The following PTPRD variants were observed in gnomAD, a reference collection of about 807,000 sequenced individuals.
The protein encoded by PTPRD is protein tyrosine phosphatase receptor type D.
PTPRD carries 34 observed loss-of-function variants against 214.5 expected under a neutral mutation model. The observed-to-expected ratio is 0.16, with a 90% CI of 0.12 to 0.21. The LOEUF (loss-of-function observed/expected upper bound fraction) is 0.21. Among genes scored for constraint, PTPRD ranks in the 10% least tolerant of loss-of-function variants. PTPRD has a pLI of 1.00. For synonymous variants in PTPRD, 1,128 were observed against 845.7 expected, an observed-to-expected ratio of 1.33 and a Z score of -5.79; for missense variants, 2,545 against 2,398.7, an observed-to-expected ratio of 1.06 and a Z score of -1.27.
chr9:9,815,108 A>G (rs906549308), intron 5 of PTPRD, among the ~76,000 whole-genome samples: 1 of 152,152 alleles, frequency 6.6e-6, no homozygotes, highest in African/African-American at 2.4e-5. Flanking sequence ...AATTCAAACT[A>G]TATTACAAAG....
intron 10 of PTPRD, among the ~76,000 whole-genome samples, chr9:9,030,362 C>T (rs1325324474): frequency 8.0e-6 from 1 of 124,582 alleles, no homozygotes; most frequent in African/African-American, 3.0e-5. Context: ...ATCAAATAAA[C>T]TTTCTTCTGA....
At chr9:9,383,680 G>A (rs748400051) in intron 9 of PTPRD, among the ~76,000 whole-genome samples, 23 of 151,930 alleles carry the variant, frequency 1.5e-4, no homozygotes, top group East Asian at 3.9e-4. Context: ...GCTTTTATGC[G>A]GTACCTTAAT....
intron 2 of PTPRD, among the ~76,000 whole-genome samples, chr9:10,555,410 T>C (rs1027451794): frequency 9.9e-5 from 15 of 152,248 alleles, no homozygotes; most frequent in African/African-American, 3.4e-4. Context: ...TATTACCTAT[T>C]ACACAATAGC....
rs570985371 is a variant in PTPRD, at chr9:8,825,527, G to T, written c.-103-91581C>A. Among the ~76,000 whole-genome samples, 6 of 152,254 alleles carry T rather than the reference G, an allele frequency of 3.9e-5. 1 individual carries two copies. The East Asian group carries it at 5.8e-4, about 15-fold the overall frequency. On this transcript the variant is annotated intron_variant, in intron 11 of 45. Coordinates refer to ENST00000381196, the MANE Select transcript of PTPRD (RefSeq NM_002839.4). ...TGTTAAAAGCTGTAATAGCTTAAAA[G>T]AAAAGGTTCCTTGACTTTGAAAAAT...
intron 36 of PTPRD, among the ~76,000 whole-genome samples, chr9:8,398,328 C>T (rs1002663511): frequency 7.9e-5 from 12 of 152,080 alleles, no homozygotes; most frequent in East Asian, 1.9e-4. Flanking sequence ...GCAACTTGTC[C>T]GAGCAAGCTC....
chr9:10,370,199 T>A (rs73402278), intron 2 of PTPRD, among the ~76,000 whole-genome samples: 5,807 of 152,080 alleles, frequency 0.038, 356 homozygotes, highest in African/African-American at 0.13. Flanking sequence ...ATTATTTATT[T>A]TCACAGTTCT....
At position 9,257,042 on chromosome 9, in the gene PTPRD, T is replaced by A. The variant is rs190068927; in HGVS notation, c.-202-73679A>T. Among the ~76,000 whole-genome samples the A allele has an allele frequency of 2.5e-4, 38 of 152,172 alleles. 1 individual carries two copies. The highest frequency in any genetic ancestry group is 2.5e-3 in the Admixed American group (38 of 15,264). Reference sequence around the variant, plus strand: ...CCTCTTTCTCTCTCTGTGTCTTGTATCATATTAGATGTGTAAAACCTCCAA... The same window carrying A: ...CCTCTTTCTCTCTCTGTGTCTTGTAACATATTAGATGTGTAAAACCTCCAA... On this transcript the variant is annotated intron_variant, in intron 9 of 45. Coordinates refer to ENST00000381196, the MANE Select transcript of PTPRD (RefSeq NM_002839.4).
intron 9 of PTPRD, among the ~76,000 whole-genome samples, chr9:9,330,874 C>G (rs2042047804): frequency 2.0e-5 from 3 of 149,336 alleles, no homozygotes; most frequent in Non-Finnish European, 3.0e-5. Flanking sequence ...TTAAAAATGT[C>G]ATACAGGAGC....
chr9:9,576,955 T>G (rs552255536), intron 7 of PTPRD, among the ~76,000 whole-genome samples: 1 of 152,282 alleles, frequency 6.6e-6, no homozygotes, highest in African/African-American at 2.4e-5. Context: ...TCTAGAATGT[T>G]TATCTATATT....
intron 11 of PTPRD, among the ~76,000 whole-genome samples, chr9:8,900,430 A>G (rs1332602894): frequency 6.6e-6 from 1 of 152,234 alleles, no homozygotes; most frequent in Non-Finnish European, 1.5e-5. Flanking sequence ...ACAATCATAA[A>G]CAATAAAGAA....
chr9:8,428,943 T>C (rs916653368), intron 35 of PTPRD, among the ~76,000 whole-genome samples: 8 of 152,188 alleles, frequency 5.3e-5, no homozygotes, highest in South Asian at 2.1e-4. Context: ...AAATGTTTTC[T>C]TTTGTGGTCA....
intron 12 of PTPRD, among the ~76,000 whole-genome samples, chr9:8,678,927 T>C (rs1421188495): frequency 6.6e-6 from 1 of 152,222 alleles, no homozygotes; most frequent in East Asian, 1.9e-4. Flanking sequence ...GAATAAAATG[T>C]TTCATGCAAA....
chr9:8,611,068 G>T (rs543192617), intron 14 of PTPRD, among the ~76,000 whole-genome samples: 1 of 152,006 alleles, frequency 6.6e-6, no homozygotes, highest in African/African-American at 2.4e-5. Flanking sequence ...CTCAAAACAC[G>T]TGATGAAAAA....
intron 9 of PTPRD, among the ~76,000 whole-genome samples, chr9:9,291,949 A>G (rs1357945375): frequency 6.6e-6 from 1 of 150,938 alleles, no homozygotes. Flanking sequence ...TGATTTTTAA[A>G]TTCATTTAAC....
intron 9 of PTPRD, among the ~76,000 whole-genome samples, chr9:9,383,759 T>C (rs2063011975): frequency 6.6e-6 from 1 of 152,048 alleles, no homozygotes; most frequent in Non-Finnish European, 1.5e-5. Context: ...CAAGTTAATA[T>C]TTATTTCTCC....
intron 14 of PTPRD, among the ~76,000 whole-genome samples, chr9:8,598,722 G>A (rs1450012374): frequency 6.6e-6 from 1 of 152,062 alleles, no homozygotes; most frequent in Non-Finnish European, 1.5e-5. Flanking sequence ...AATGGGAGAG[G>A]ATCTTTCATT....
At chr9:9,191,088 A>C (rs2131829877) in intron 9 of PTPRD, among the ~76,000 whole-genome samples, 1 of 152,250 alleles carries the variant, frequency 6.6e-6, no homozygotes, top group South Asian at 2.1e-4. Context: ...CTGCAAAAGT[A>C]ATGGCAAGTT....
chr9:10,378,282 A>G (rs925605226), intron 2 of PTPRD, among the ~76,000 whole-genome samples: 4 of 151,922 alleles, frequency 2.6e-5, no homozygotes, highest in African/African-American at 9.7e-5. Context: ...TACTTTGTTA[A>G]TGGTCTCCTC....
At chr9:8,356,499 T>C (rs1046031073) in intron 39 of PTPRD, among the ~76,000 whole-genome samples, 3 of 152,222 alleles carry the variant, frequency 2.0e-5, no homozygotes, top group Admixed American at 6.5e-5. Flanking sequence ...GTTCATGCAA[T>C]AAGTTTCAGT....
Sources: allele counts gnomAD v4.1 joint callset (sites outside exome capture counted in the v4.1 genomes callset), GRCh38; gene constraint gnomAD v4.1.1; transcripts MANE v1.5; gene names NCBI Gene and HGNC (gene_info 2026-07-23, HGNC 2026-07-21).